Variants in RTF2 observed in about 807,000 individuals in gnomAD.
The protein encoded by RTF2 is UPF0549 protein C20orf43.
RTF2 carries 18 observed loss-of-function variants against 38.0 expected under a neutral mutation model. The observed-to-expected ratio is 0.47, with a 90% CI of 0.33 to 0.70. RTF2 has a LOEUF of 0.70. RTF2 is among the 30% of genes least tolerant of loss of function. RTF2 has a pLI of 0.02. For missense variants in RTF2, 311 were observed against 379.6 expected (o/e 0.82, Z 1.50); for synonymous variants, 126 against 137.1 (o/e 0.92, Z 0.57).
chr20:56,510,331 C>A (rs145557003), intron 5 of RTF2, among the ~76,000 whole-genome samples: 52 of 152,258 alleles, frequency 3.4e-4, no homozygotes, highest in African/African-American at 1.2e-3. Flanking sequence ...TCTTAGCATT[C>A]TGTGTCCTGA....
At chr20:56,508,139 C>T (rs1984403151) in intron 5 of RTF2, among the ~76,000 whole-genome samples, 1 of 151,962 alleles carries the variant, frequency 6.6e-6, no homozygotes, top group Non-Finnish European at 1.5e-5. Context: ...CCAGACCCAC[C>T]CTAGAAAAAA....
chr20:56,490,960 A>G (rs968408341), intron 5 of RTF2, among the ~76,000 whole-genome samples: 6 of 152,264 alleles, frequency 3.9e-5, no homozygotes, highest in African/African-American at 1.4e-4. Context: ...CAGCTGTGGA[A>G]TGTCCACCAT....
In RTF2 at chr20:56,513,383, G is replaced by A; in HGVS notation, c.546G>A (p.Leu182=). 1 of 1,608,470 alleles carries A rather than the reference G, an allele frequency of 6.2e-7. No individual in the cohort carries two copies. Among genetic ancestry groups the A allele is most frequent in the Non-Finnish European group, 8.5e-7 (1 of 1,177,800 alleles). Residue 182 remains leucine (L), a synonymous_variant, in exon 6 of 9, where the codon CTG becomes CTA. Coordinates refer to ENST00000357348, the MANE Select transcript of RTF2 (RefSeq NM_016407.5). ...GCACCAAGGAGGATGTGGACGTGCT[G>A]AAGACAAGGATGGAGGAGAGAAGGC... ...LNGTKEDVDV[L]KTRMEERRLR...
chr20:56,510,267 G>A (rs561265644), intron 5 of RTF2, among the ~76,000 whole-genome samples: 1 of 152,234 alleles, frequency 6.6e-6, no homozygotes, highest in East Asian at 1.9e-4. Flanking sequence ...TTTTAAAAAG[G>A]CGAGTTAGGT....
At chr20:56,495,819 A>G (rs1298625103) in intron 5 of RTF2, among the ~76,000 whole-genome samples, 1 of 152,198 alleles carries the variant, frequency 6.6e-6, no homozygotes, top group Non-Finnish European at 1.5e-5. Context: ...AAGCCAGTCC[A>G]CCTTTTACAA....
chr20:56,483,255 A>G (rs949906408), intron 4 of RTF2, among the ~76,000 whole-genome samples: 24 of 152,134 alleles, frequency 1.6e-4, no homozygotes, highest in Admixed American at 1.6e-3. Flanking sequence ...CTGCCAAATT[A>G]TCTTCCTAAA....
intron 5 of RTF2, among the ~76,000 whole-genome samples, chr20:56,494,662 C>T (rs923493514): frequency 1.3e-5 from 2 of 152,210 alleles, no homozygotes; most frequent in African/African-American, 4.8e-5. Flanking sequence ...GGTCCCTCTG[C>T]TTCAGGAGGG....
At chr20:56,471,326 TG>T (rs1473935770) in intron 1 of RTF2, among the ~76,000 whole-genome samples, 2 of 152,282 alleles carry the variant, frequency 1.3e-5, no homozygotes, top group Admixed American at 6.5e-5. Flanking sequence ...CCCAGCACTT[TG>T]GGAGGCTGAA....
At chr20:56,473,799 G>A (rs1382949514) in intron 2 of RTF2, among the ~76,000 whole-genome samples, 2 of 152,098 alleles carry the variant, frequency 1.3e-5, no homozygotes, top group Non-Finnish European at 2.9e-5. Flanking sequence ...GAGGCAGGAG[G>A]ATCCTGTGAG....
intron 4 of RTF2, among the ~76,000 whole-genome samples, chr20:56,480,761 G>A (rs1982489688): frequency 6.6e-6 from 1 of 152,206 alleles, no homozygotes; most frequent in Non-Finnish European, 1.5e-5. Context: ...GAACTGAGAA[G>A]GAGAGAGATG....
chr20:56,477,780 CAT>C (rs945227705), intron 4 of RTF2, among the ~76,000 whole-genome samples: 1 of 152,228 alleles, frequency 6.6e-6, no homozygotes, highest in Non-Finnish European at 1.5e-5. Context: ...GCTGGGATAA[CAT>C]GTGGGAGCCA....
At chr20:56,471,395 T>C (rs185510904) in intron 1 of RTF2, among the ~76,000 whole-genome samples, 4 of 152,160 alleles carry the variant, frequency 2.6e-5, no homozygotes, top group African/African-American at 9.6e-5. Flanking sequence ...AGTGAAACCC[T>C]GTCTCCACTA....
chr20:56,497,301 GA>G (rs1365052529), intron 5 of RTF2: 2 of 1,551,012 alleles, frequency 1.3e-6, no homozygotes, highest in Non-Finnish European at 1.7e-6. Context: ...CTCTTCTGCA[GA>G]CAGGGGTCTG....
intron 5 of RTF2, chr20:56,496,840 T>C (rs367833168): frequency 6.4e-6 from 10 of 1,551,770 alleles, no homozygotes; most frequent in Admixed American, 2.0e-5. Context: ...GGTGCATAGA[T>C]ACTTCCTTTA....
chr20:56,477,411 A>G (rs559369046), intron 4 of RTF2, among the ~76,000 whole-genome samples: 2 of 152,352 alleles, frequency 1.3e-5, no homozygotes, highest in South Asian at 4.1e-4. Context: ...TGTGACGCTT[A>G]TGAAACCTGA....
At chr20:56,507,979 G>A (rs913188835) in intron 5 of RTF2, among the ~76,000 whole-genome samples, 1 of 152,226 alleles carries the variant, frequency 6.6e-6, no homozygotes, top group Non-Finnish European at 1.5e-5. Flanking sequence ...GCTCTCTACA[G>A]TGATGGCTAA....
intron 5 of RTF2, among the ~76,000 whole-genome samples, chr20:56,496,053 C>T (rs948156890): frequency 6.6e-6 from 1 of 152,144 alleles, no homozygotes; most frequent in Non-Finnish European, 1.5e-5. Context: ...TTTCCAAAGT[C>T]TCAGGAGATG....
intron 5 of RTF2, among the ~76,000 whole-genome samples, chr20:56,508,176 T>C (rs896550167): frequency 2.6e-5 from 4 of 152,168 alleles, no homozygotes; most frequent in Admixed American, 6.5e-5. Context: ...AAAATCACTG[T>C]TGGAGACAAG....
intron 5 of RTF2, among the ~76,000 whole-genome samples, chr20:56,506,173 A>T (rs1285305801): frequency 2.0e-5 from 3 of 152,172 alleles, no homozygotes; most frequent in Non-Finnish European, 2.9e-5. Context: ...ACTGTGTCCA[A>T]TGTGGGCAGA....
Sources: gnomAD v4.1 joint callset for allele counts (sites outside exome capture counted in the v4.1 genomes callset) on GRCh38, gnomAD v4.1.1 for gene constraint, MANE v1.5 for transcripts, NCBI Gene and HGNC (gene_info 2026-07-23, HGNC 2026-07-21) for gene names.